GBE1: variants seen among roughly 807,000 people sequenced by gnomAD.
GBE1 encodes the protein 1,4-alpha-glucan branching enzyme 1, also known as 1,4-alpha-glucan-branching enzyme.
GBE1 carries 70 observed loss-of-function variants against 88.8 expected under a neutral mutation model. The observed-to-expected ratio is 0.79, with a 90% CI of 0.65 to 0.96. GBE1 has a LOEUF of 0.96. Ranked by LOEUF, GBE1 falls within the 40% of genes least tolerant of loss-of-function variation. The probability of loss-of-function intolerance (pLI) is 0.00; values close to 1 mark genes in which losing one functional copy is unlikely to be tolerated. For synonymous variants in GBE1, 284 were observed against 300.1 expected, an observed-to-expected ratio of 0.95 and a Z score of 0.56; for missense variants, 872 against 871.0, an observed-to-expected ratio of 1.00 and a Z score of -0.01.
In GBE1 at chr3:81,541,607, C is replaced by T. The variant is rs373181664; in HGVS notation, c.1619-4512G>A. The stretch of plus-strand genomic sequence containing the variant: ...TATAAAACAGGCCCCAGAGAGCTGC[C>T]TTGTTTCTTCTGCTGTGGAGGATAC... On this transcript the variant is annotated intron_variant, in intron 12 of 15. Transcript: ENST00000429644. Among the ~76,000 whole-genome samples, 9 of 152,086 alleles carry T rather than the reference C, an allele frequency of 5.9e-5. No individual in the cohort carries two copies. In the East Asian group the frequency reaches 1.6e-3, roughly 26 times the overall value.
At chr3:81,595,344 A>G (rs1387506486) in intron 7 of GBE1, among the ~76,000 whole-genome samples, 3 of 151,890 alleles carry the variant, frequency 2.0e-5, no homozygotes, top group South Asian at 2.1e-4. Flanking sequence ...AAATCACTCT[A>G]TTTTGCATAG....
intron 12 of GBE1, among the ~76,000 whole-genome samples, chr3:81,568,649 G>C (rs896123648): frequency 6.6e-6 from 1 of 152,148 alleles, no homozygotes; most frequent in Non-Finnish European, 1.5e-5. Flanking sequence ...GTTAATGAAT[G>C]AGTGAATGAA....
intron 7 of GBE1, among the ~76,000 whole-genome samples, chr3:81,606,715 G>T (rs529281897): frequency 6.6e-6 from 1 of 152,122 alleles, no homozygotes; most frequent in Non-Finnish European, 1.5e-5. Flanking sequence ...TAGATTTCAC[G>T]CAAATATGAT....
At chr3:81,634,882 T>A (rs764193135) in intron 7 of GBE1, among the ~76,000 whole-genome samples, 4 of 152,144 alleles carry the variant, frequency 2.6e-5, no homozygotes, top group Non-Finnish European at 5.9e-5. Flanking sequence ...TCAAGTGGCC[T>A]GAGAAGCTTC....
At chr3:81,493,920 TA>T (rs1420833765) in intron 15 of GBE1, among the ~76,000 whole-genome samples, 3 of 151,882 alleles carry the variant, frequency 2.0e-5, no homozygotes, top group Admixed American at 6.6e-5. Flanking sequence ...ACTTAATGGT[TA>T]AAAAATGCTC....
intron 2 of GBE1, among the ~76,000 whole-genome samples, chr3:81,683,152 G>A (rs556312970): frequency 1.3e-5 from 2 of 152,268 alleles, no homozygotes; most frequent in African/African-American, 4.8e-5. Context: ...GTTCTAAAAT[G>A]AACTGTAATA....
chr3:81,682,120 A>G (rs561759588), intron 2 of GBE1, among the ~76,000 whole-genome samples: 3 of 152,348 alleles, frequency 2.0e-5, no homozygotes, highest in Admixed American at 1.3e-4. Flanking sequence ...AAGGATCTGA[A>G]TAGACATTTC....
At chr3:81,625,164 T>C (rs1704395366) in intron 7 of GBE1, among the ~76,000 whole-genome samples, 1 of 151,914 alleles carries the variant, frequency 6.6e-6, no homozygotes, top group African/African-American at 2.4e-5. Flanking sequence ...AAACCAAGAA[T>C]AGAATGCTTC....
intron 9 of GBE1, 33 bp from the exon 10 acceptor site, chr3:81,586,223 A>G (rs371934835): frequency 8.0e-5 from 103 of 1,292,974 alleles, no homozygotes; most frequent in Non-Finnish European, 1.0e-4. Context: ...ATAATGATCA[A>G]ACTTTTAGTA....
chr3:81,640,677 T>C (rs1276701795), intron 7 of GBE1, among the ~76,000 whole-genome samples: 1 of 151,828 alleles, frequency 6.6e-6, no homozygotes, highest in African/African-American at 2.4e-5. Context: ...CCTAATACAT[T>C]AATAGTATAA....
rs573790356 is a variant in GBE1 at position 81,511,361 on chromosome 3, G to C, written c.1935-12134C>G. Among the ~76,000 whole-genome samples, 7 of 152,102 alleles carry C rather than the reference G, an allele frequency of 4.6e-5. No homozygotes were observed. The South Asian group carries it at 1.5e-3, about 32-fold the overall frequency. ...ACTAAAGAGCTTCTGAACAGCAAAAGAAACAATCAACAGAGTAAACAGACA... is the reference window on the plus strand; with the variant it reads ...ACTAAAGAGCTTCTGAACAGCAAAACAAACAATCAACAGAGTAAACAGACA... On this transcript the variant is annotated intron_variant, in intron 14 of 15. Coordinates refer to ENST00000429644, the MANE Select transcript of GBE1 (RefSeq NM_000158.4).
At chr3:81,693,132 G>T (rs1705544417) in intron 2 of GBE1, among the ~76,000 whole-genome samples, 1 of 152,092 alleles carries the variant, frequency 6.6e-6, no homozygotes, top group African/African-American at 2.4e-5. Flanking sequence ...TGACAAAAAA[G>T]GTCTCATGTA....
At chr3:81,612,678 A>T (rs538339989) in intron 7 of GBE1, 5 of 538,018 alleles carry the variant, frequency 9.3e-6, no homozygotes, top group South Asian at 5.8e-5. Flanking sequence ...CATTAAGTCT[A>T]TTTCATTTTG....
In GBE1 at chr3:81,542,431, T is replaced by C. The variant is rs963733664; in HGVS notation, c.1619-5336A>G. 2.6e-5 allele frequency among the ~76,000 whole-genome samples: 4 copies of C among 152,098 alleles called. No individual in the cohort carries two copies. The South Asian group carries it at 6.2e-4, about 24-fold the overall frequency. Reference sequence around the variant, plus strand: ...ACAGCAGATATTCTAGGATCAAACATTTCCCAAGTTTTGAACACTGCTCAT... The same window carrying C: ...ACAGCAGATATTCTAGGATCAAACACTTCCCAAGTTTTGAACACTGCTCAT... On this transcript the variant is annotated intron_variant, in intron 12 of 15. Coordinates refer to ENST00000429644, the MANE Select transcript of GBE1 (RefSeq NM_000158.4).
At chr3:81,498,879 A>G (rs1702548930) in intron 15 of GBE1, among the ~76,000 whole-genome samples, 1 of 152,132 alleles carries the variant, frequency 6.6e-6, no homozygotes, top group Non-Finnish European at 1.5e-5. Context: ...AATCCTATTA[A>G]TATTTAATTT....
At chr3:81,548,421 T>C (rs1703235170) in intron 12 of GBE1, among the ~76,000 whole-genome samples, 1 of 151,462 alleles carries the variant, frequency 6.6e-6, no homozygotes, top group Non-Finnish European at 1.5e-5. Context: ...ACATGTGAAA[T>C]AGTGTTTGGC....
chr3:81,655,225 T>C (rs1413561683), intron 3 of GBE1, among the ~76,000 whole-genome samples: 1 of 152,150 alleles, frequency 6.6e-6, no homozygotes, highest in Non-Finnish European at 1.5e-5. Flanking sequence ...TTGTTATTTT[T>C]AGTAGAGAAA....
intron 1 of GBE1, among the ~76,000 whole-genome samples, chr3:81,735,129 A>T (rs1706241642): frequency 6.6e-6 from 1 of 152,182 alleles, no homozygotes; most frequent in African/African-American, 2.4e-5. Flanking sequence ...GCCTTGGAAC[A>T]TATCCCCCAT....
rs1002873487 is a variant in GBE1 at position 81,757,584 on chromosome 3, T to C, written c.143+3791A>G. 3.3e-5 allele frequency among the ~76,000 whole-genome samples: 5 copies of C among 152,264 alleles called. 1 individual carries two copies. The South Asian group carries it at 6.2e-4, about 19-fold the overall frequency. On this transcript the variant is annotated intron_variant, in intron 1 of 15. Transcript: ENST00000429644. ...CATACTTAAAAGTTAGGGGCTACAA[T>C]TGACTAGACTCAAAGGTCTAGGAGG...
Sources: allele counts gnomAD v4.1 joint callset (sites outside exome capture counted in the v4.1 genomes callset), GRCh38; gene constraint gnomAD v4.1.1; transcripts MANE v1.5; gene names NCBI Gene and HGNC (gene_info 2026-07-23, HGNC 2026-07-21).